Variants in SRGAP1 observed in about 807,000 individuals in gnomAD.
SRGAP1 encodes SLIT-ROBO Rho GTPase-activating protein 1.
In SRGAP1, 43 loss-of-function variants were observed where a neutral mutation model predicts 121.9. The observed-to-expected ratio is 0.35, with a 90% CI of 0.28 to 0.46. The LOEUF (loss-of-function observed/expected upper bound fraction) is 0.46, where lower values mean the gene tolerates loss of function less well. SRGAP1 is among the 20% of genes least tolerant of loss of function. SRGAP1 has a pLI of 1.00. For missense variants in SRGAP1, 1,102 were observed against 1,350.9 expected (o/e 0.82, Z 2.89); for synonymous variants, 447 against 485.4 (o/e 0.92, Z 1.04).
intron 4 of SRGAP1, among the ~76,000 whole-genome samples, chr12:64,036,249 C>T (rs570525189): frequency 2.0e-4 from 31 of 152,234 alleles, no homozygotes; most frequent in Non-Finnish European, 3.8e-4. Flanking sequence ...GAGGGAGGTA[C>T]TGTGGCTGTG....
In SRGAP1 at chr12:64,150,717, C is replaced by CA. The variant is rs142814127; in HGVS notation, c.*8051dup. On this transcript the variant is annotated 3_prime_UTR_variant, in exon 22 of 22. Coordinates refer to ENST00000355086, the MANE Select transcript of SRGAP1 (RefSeq NM_020762.4). ...CTTTGAGAGGCCAAGGCAGGAGGATCAAAAAATGCGAATTTTTATATTTTT... is the reference window on the plus strand; with the variant it reads ...CTTTGAGAGGCCAAGGCAGGAGGATCAAAAAAATGCGAATTTTTATATTTTT... 7.4e-6 allele frequency: 1 copy of CA among 135,518 alleles called. No individual in the cohort carries two copies. The highest frequency in any genetic ancestry group is 1.6e-5 in the Non-Finnish European group (1 of 61,370). The allele number at this position is 135,518 out of a possible 1,614,324, so 8.4% of individuals were successfully genotyped here.
At chr12:63,933,692 C>A (rs1437722598) in intron 1 of SRGAP1, among the ~76,000 whole-genome samples, 2 of 152,078 alleles carry the variant, frequency 1.3e-5, no homozygotes, top group African/African-American at 2.4e-5. Flanking sequence ...CCATTTCTTT[C>A]TGAAAGGGAT....
intron 1 of SRGAP1, among the ~76,000 whole-genome samples, chr12:63,929,851 A>G (rs61933132): frequency 0.083 from 12,631 of 152,202 alleles, 577 homozygotes; most frequent in Middle Eastern, 0.1. Context: ...AAAATGGGAT[A>G]TATGTGCAGA....
chr12:64,084,598 G>C (rs1421326863), intron 10 of SRGAP1, among the ~76,000 whole-genome samples: 1 of 152,128 alleles, frequency 6.6e-6, no homozygotes, highest in Non-Finnish European at 1.5e-5. Context: ...GTGAATCATA[G>C]TTCTTGCAAA....
rs1287259259 is a variant in SRGAP1, at chr12:64,153,936, C to T, written c.*11264C>T. On this transcript the variant is annotated 3_prime_UTR_variant, in exon 22 of 22. Coordinates refer to ENST00000355086, the MANE Select transcript of SRGAP1 (RefSeq NM_020762.4). ...ATGGGTAAAGAAAATGTGCCATACA[C>T]ATAAAATAGAATATTATGCAGCCTT... The T allele has an allele frequency of 6.6e-6, 1 of 152,104 alleles. No homozygotes were observed. Among genetic ancestry groups the T allele is most frequent in the Non-Finnish European group, 1.5e-5 (1 of 68,014 alleles). 9.4% of individuals were successfully genotyped at this position (152,104 alleles called of 1,614,324 possible). A position where few individuals can be genotyped will look rare whatever the true frequency, so the allele number is the denominator to read the frequency against.
chr12:64,047,541 A>G (rs2035154544), intron 6 of SRGAP1, among the ~76,000 whole-genome samples: 1 of 152,192 alleles, frequency 6.6e-6, no homozygotes, highest in South Asian at 2.1e-4. Flanking sequence ...AGCATTTTGT[A>G]TGTGAAATGA....
At chr12:63,949,054 TTTC>T (rs564422282) in intron 1 of SRGAP1, among the ~76,000 whole-genome samples, 15 of 146,278 alleles carry the variant, frequency 1.0e-4, no homozygotes, top group African/African-American at 3.5e-4. Context: ...ATATATGTAT[TTTC>T]CATATATGTA....
In SRGAP1 at chr12:63,959,046, AT is replaced by A. The variant is rs561182001; in HGVS notation, c.68-24899del. ...CAATTACAGGATGGGGTGTTTTTTCATTACCAGAAGATGAGAGTTACTTTGC... is the reference window on the plus strand; with the variant it reads ...CAATTACAGGATGGGGTGTTTTTTCATACCAGAAGATGAGAGTTACTTTGC... On this transcript the variant is annotated intron_variant, in intron 1 of 21. Coordinates refer to ENST00000355086, the MANE Select transcript of SRGAP1 (RefSeq NM_020762.4). 2.4e-3 allele frequency among the ~76,000 whole-genome samples: 363 copies of A among 152,244 alleles called. 1 individual carries two copies. The highest frequency in any genetic ancestry group is 8.3e-3 in the African/African-American group (343 of 41,532).
chr12:64,060,935 A>G (rs953461340), intron 6 of SRGAP1, among the ~76,000 whole-genome samples: 1 of 152,232 alleles, frequency 6.6e-6, no homozygotes, highest in East Asian at 1.9e-4. Context: ...TCCATGGCCA[A>G]TTAGTGAGTT....
chr12:63,990,968 T>TA (rs2033543389), intron 3 of SRGAP1, among the ~76,000 whole-genome samples: 1 of 152,154 alleles, frequency 6.6e-6, no homozygotes, highest in Non-Finnish European at 1.5e-5. Context: ...CCAAATCCAT[T>TA]AAAAAACAAT....
intron 21 of SRGAP1, among the ~76,000 whole-genome samples, chr12:64,131,443 G>C (rs924274303): frequency 5.3e-5 from 8 of 152,200 alleles, no homozygotes; most frequent in Non-Finnish European, 2.9e-5. Flanking sequence ...TGCACTGCTC[G>C]AAGTTCTGCC....
At chr12:63,920,125 G>A (rs2030981070) in intron 1 of SRGAP1, among the ~76,000 whole-genome samples, 2 of 152,194 alleles carry the variant, frequency 1.3e-5, no homozygotes, top group Non-Finnish European at 2.9e-5. Context: ...ACTCATAAGT[G>A]ATTAAGAGCT....
intron 1 of SRGAP1, among the ~76,000 whole-genome samples, chr12:63,969,749 G>A (rs1055398723): frequency 6.6e-6 from 1 of 151,610 alleles, no homozygotes; most frequent in Non-Finnish European, 1.5e-5. Flanking sequence ...AACCGAGATT[G>A]TGCCACTGCA....
intron 18 of SRGAP1, among the ~76,000 whole-genome samples, chr12:64,124,138 G>A (rs553378576): frequency 1.6e-4 from 24 of 152,322 alleles, no homozygotes; most frequent in African/African-American, 5.3e-4. Flanking sequence ...TTTGGCCAGG[G>A]CCTTTATATA....
At chr12:63,983,839 TATATATATATATA>T in intron 1 of SRGAP1, 95 bp from the exon 2 acceptor site, 2 of 107,958 alleles carry the variant, frequency 1.9e-5, no homozygotes, top group African/African-American at 8.2e-5. Flanking sequence ...TATATATATA[TATATATATATATA>T]TATTTATATA....
At chr12:63,861,069 TA>T (rs1899429199) in intron 1 of SRGAP1, among the ~76,000 whole-genome samples, 1 of 151,696 alleles carries the variant, frequency 6.6e-6, no homozygotes, top group African/African-American at 2.4e-5. Flanking sequence ...TCTCAGTTAT[TA>T]TTTTTAAAGT....
intron 8 of SRGAP1, among the ~76,000 whole-genome samples, chr12:64,070,029 C>T (rs895633543): frequency 1.2e-4 from 18 of 152,120 alleles, no homozygotes; most frequent in African/African-American, 4.3e-4. Context: ...GAGCCACAGC[C>T]GGCTCACATT....
At chr12:63,931,598 T>C (rs2031478719) in intron 1 of SRGAP1, among the ~76,000 whole-genome samples, 1 of 152,212 alleles carries the variant, frequency 6.6e-6, no homozygotes, top group Non-Finnish European at 1.5e-5. Flanking sequence ...GAATTATTCA[T>C]TTATTCATTC....
At position 64,111,909 on chromosome 12, in the gene SRGAP1, C is replaced by T. The variant is rs777270190; in HGVS notation, c.2067C>T (p.His689=). 6 of 1,613,928 alleles carry T rather than the reference C, an allele frequency of 3.7e-6. No individual in the cohort carries two copies. Among genetic ancestry groups the T allele is most frequent in the African/African-American group, 1.3e-5 (1 of 74,896 alleles). The stretch of plus-strand genomic sequence containing the variant: ...AAATTATCAAAACCATCATCATCCA[C>T]CATGAGACTATTTTCCCAGATGCTA... ...VNEIIKTIII[H]HETIFPDAKE... is the part of the protein sequence containing the mutation. Residue 689 remains histidine (H), a synonymous_variant, in exon 17 of 22, where the codon CAC becomes CAT. Transcript: ENST00000355086.
Sources: gnomAD v4.1 joint callset for allele counts (sites outside exome capture counted in the v4.1 genomes callset) on GRCh38, gnomAD v4.1.1 for gene constraint, MANE v1.5 for transcripts, NCBI Gene and HGNC (gene_info 2026-07-23, HGNC 2026-07-21) for gene names.